The following LRRC20 variants were observed in gnomAD, a reference collection of about 807,000 sequenced individuals.
LRRC20 encodes the protein leucine-rich repeat-containing protein 20.
LRRC20 carries 11 observed loss-of-function variants against 14.4 expected under a neutral mutation model. The ratio of observed to expected loss-of-function variants is 0.77; its 90% CI spans 0.48 to 1.27. LRRC20 has a LOEUF of 1.27. Ranked by LOEUF, LRRC20 falls within the 50% of genes most tolerant of loss-of-function variation. The pLI, the probability that LRRC20 is intolerant of heterozygous loss-of-function variation, is 0.00. For synonymous variants in LRRC20, 121 were observed against 107.3 expected, an observed-to-expected ratio of 1.13 and a Z score of -0.79; for missense variants, 219 against 251.2, an observed-to-expected ratio of 0.87 and a Z score of 0.87.
Position 70,323,879 on chromosome 10 carries a change from C to T in LRRC20, c.384G>A (p.Glu128=), listed in dbSNP as rs765468297. 68 of 1,614,080 alleles carry T rather than the reference C, an allele frequency of 4.2e-5. No individual in the cohort carries two copies. Among genetic ancestry groups the T allele is most frequent in the Non-Finnish European group, 5.3e-5 (62 of 1,180,046 alleles). The change falls in exon 4 of 5, where the codon GAG becomes GAA. Residue 128 remains glutamate (E), a synonymous_variant. Coordinates refer to ENST00000446961, the MANE Select transcript of LRRC20 (RefSeq NM_001278212.2). The part of the protein sequence containing the change: ...ALPALETINL[E]ENEIVDVPVE... Reference sequence around the variant, plus strand: ...CCCACTCACCTACGATCTCGTTCTCCTCCAGGTTGATGGTCTCCAGCGCCG... The same window carrying T: ...CCCACTCACCTACGATCTCGTTCTCTTCCAGGTTGATGGTCTCCAGCGCCG...
At chr10:70,377,271 G>C (rs1220058686) in intron 1 of LRRC20, among the ~76,000 whole-genome samples, 1 of 152,224 alleles carries the variant, frequency 6.6e-6, no homozygotes, top group Non-Finnish European at 1.5e-5. Flanking sequence ...AAGCGGGCAG[G>C]GGCCGGGGGG....
At chr10:70,324,895 G>A (rs970996152) in intron 3 of LRRC20, among the ~76,000 whole-genome samples, 8 of 152,106 alleles carry the variant, frequency 5.3e-5, no homozygotes, top group Non-Finnish European at 7.4e-5. Context: ...TTTAATCCCC[G>A]CAGAAAGGAC....
At chr10:70,379,550 GA>G (rs1386235134) in intron 1 of LRRC20, among the ~76,000 whole-genome samples, 3 of 152,186 alleles carry the variant, frequency 2.0e-5, no homozygotes, top group Non-Finnish European at 4.4e-5. Context: ...TGAGGGATAA[GA>G]AGGAAGAGGG....
chr10:70,334,366 T>C lies in LRRC20; in HGVS notation c.232+6187A>G, dbSNP rs142447366. Among the ~76,000 whole-genome samples, 9 of 152,216 alleles carry C rather than the reference T, an allele frequency of 5.9e-5. No homozygotes were observed. In the East Asian group the frequency reaches 1.7e-3, roughly 29 times the overall value. ...AGTGGGCTGAAGTGAAGTAGGAAGCTGGGGAGGAACAGCACACTGTGACCC... is the reference window on the plus strand; with the variant it reads ...AGTGGGCTGAAGTGAAGTAGGAAGCCGGGGAGGAACAGCACACTGTGACCC... On this transcript the variant is annotated intron_variant, in intron 3 of 4. Coordinates refer to ENST00000446961, the MANE Select transcript of LRRC20 (RefSeq NM_001278212.2).
rs755792738 is a variant in LRRC20 at position 70,335,500 on chromosome 10, A to T, written c.232+5053T>A. Among the ~76,000 whole-genome samples the T allele has an allele frequency of 7.0e-4, 106 of 152,206 alleles. 1 individual carries two copies. The highest frequency in any genetic ancestry group is 1.8e-4 in the Non-Finnish European group (12 of 68,022). On this transcript the variant is annotated intron_variant, in intron 3 of 4. Transcript: ENST00000446961. ...CCTGGCCCAGGCCCAGGCTCTTGAG[A>T]TGAGGGAACTCATCGCTTTGGAGGG... is the stretch of plus-strand genomic sequence containing the variant.
At chr10:70,380,174 G>A (rs1007996548) in intron 1 of LRRC20, among the ~76,000 whole-genome samples, 1 of 152,154 alleles carries the variant, frequency 6.6e-6, no homozygotes, top group African/African-American at 2.4e-5. Flanking sequence ...ACGTCCTATT[G>A]TGTGGGTCAG....
intron 4 of LRRC20, among the ~76,000 whole-genome samples, chr10:70,308,784 C>T (rs1349377153): frequency 1.3e-5 from 2 of 152,096 alleles, no homozygotes. Context: ...TATAAGCAGA[C>T]GTGACTCCTC....
chr10:70,335,180 C>A (rs760120441), intron 3 of LRRC20, among the ~76,000 whole-genome samples: 11 of 152,224 alleles, frequency 7.2e-5, no homozygotes, highest in African/African-American at 9.7e-5. Flanking sequence ...AGGCAAGAAG[C>A]CTGGTGCTGC....
At chr10:70,307,992 G>C (rs1841489166) in intron 4 of LRRC20, among the ~76,000 whole-genome samples, 2 of 152,234 alleles carry the variant, frequency 1.3e-5, no homozygotes, top group Non-Finnish European at 1.5e-5. Flanking sequence ...TAAGCCCACA[G>C]AGTTTGGCCA....
At chr10:70,319,150 C>G (rs1841982293) in intron 4 of LRRC20, among the ~76,000 whole-genome samples, 1 of 143,686 alleles carries the variant, frequency 7.0e-6, no homozygotes, top group Admixed American at 7.2e-5. Flanking sequence ...CTCTTGTGCT[C>G]TCTGGAGCAG....
intron 4 of LRRC20, among the ~76,000 whole-genome samples, chr10:70,323,487 C>A (rs1008731045): frequency 6.6e-6 from 1 of 152,160 alleles, no homozygotes; most frequent in Non-Finnish European, 1.5e-5. Flanking sequence ...GTGAAGAGGT[C>A]TCTGTGAAGC....
At chr10:70,360,489 T>G (rs183806511) in intron 2 of LRRC20, among the ~76,000 whole-genome samples, 10 of 152,190 alleles carry the variant, frequency 6.6e-5, no homozygotes, top group Non-Finnish European at 1.5e-4. Flanking sequence ...AAGGCTGGAG[T>G]GCAGTGGCAT....
chr10:70,359,810 G>A (rs1279180382), intron 2 of LRRC20, among the ~76,000 whole-genome samples: 2 of 152,136 alleles, frequency 1.3e-5, no homozygotes, highest in Non-Finnish European at 2.9e-5. Flanking sequence ...TGTATTTCAA[G>A]GACTTGTTTA....
intron 2 of LRRC20, among the ~76,000 whole-genome samples, chr10:70,343,087 C>T (rs1483935726): frequency 6.6e-6 from 1 of 152,238 alleles, no homozygotes; most frequent in African/African-American, 2.4e-5. Context: ...TCTCCCTCAT[C>T]TGCCTCACAG....
intron 4 of LRRC20, among the ~76,000 whole-genome samples, chr10:70,304,775 T>C (rs1452764721): frequency 1.3e-5 from 2 of 152,134 alleles, no homozygotes; most frequent in East Asian, 3.9e-4. Flanking sequence ...CTCATATAAG[T>C]GGACTCATAT....
intron 2 of LRRC20, among the ~76,000 whole-genome samples, chr10:70,341,991 G>A (rs1435748288): frequency 6.6e-6 from 1 of 151,826 alleles, no homozygotes; most frequent in East Asian, 1.9e-4. Flanking sequence ...GTTCTTTGTA[G>A]GGGTAATAAA....
chr10:70,334,043 G>A (rs546064154), intron 3 of LRRC20, among the ~76,000 whole-genome samples: 5 of 152,158 alleles, frequency 3.3e-5, no homozygotes, highest in East Asian at 1.9e-4. Flanking sequence ...CCAGCTACTC[G>A]GGAGGCTGAG....
At chr10:70,375,703 G>A (rs984229179) in intron 2 of LRRC20, among the ~76,000 whole-genome samples, 1 of 152,154 alleles carries the variant, frequency 6.6e-6, no homozygotes, top group Admixed American at 6.6e-5. Flanking sequence ...AGTGGTGCCT[G>A]CATTCCATGG....
chr10:70,377,897 C>T lies in LRRC20; in HGVS notation c.-63-1301G>A, dbSNP rs1315482404. ...ACACACATACAGAACAGTGGGAAAA[C>T]ACTGATTTTGGAGACAGGTCAAATG... On this transcript the variant is annotated intron_variant, in intron 1 of 4. Coordinates refer to ENST00000446961, the MANE Select transcript of LRRC20 (RefSeq NM_001278212.2). Among the ~76,000 whole-genome samples the T allele has an allele frequency of 5.3e-5, 8 of 152,338 alleles. No homozygotes were observed. In the East Asian group the frequency reaches 1.5e-3, roughly 29 times the overall value.
Sources: gnomAD v4.1 joint callset for allele counts (sites outside exome capture counted in the v4.1 genomes callset) on GRCh38, gnomAD v4.1.1 for gene constraint, MANE v1.5 for transcripts, NCBI Gene and HGNC (gene_info 2026-07-23, HGNC 2026-07-21) for gene names.